The following CD226 variants were observed in gnomAD, a reference collection of about 807,000 sequenced individuals.
CD226 encodes CD226 molecule, also known as CD226 antigen.
CD226 carries 24 observed loss-of-function variants against 34.9 expected under a neutral mutation model. That is an observed-to-expected ratio of 0.69 (90% CI 0.50 to 0.97). CD226 has a LOEUF of 0.97. Among genes scored for constraint, CD226 ranks in the 50% least tolerant of loss-of-function variants. CD226 has a pLI of 0.00. For synonymous variants in CD226, 148 were observed against 147.4 expected (o/e 1.00, Z -0.03); for missense variants, 397 against 412.7 (o/e 0.96, Z 0.33).
intron 1 of CD226, 75 bp downstream of exon 1, chr18:69,947,286 A>G: frequency 9.6e-7 from 1 of 1,044,448 alleles, no homozygotes. Context: ...AGCACTGTAA[A>G]TTCTGAATAT....
intron 2 of CD226, among the ~76,000 whole-genome samples, chr18:69,918,249 G>A (rs2055409456): frequency 6.6e-6 from 1 of 152,152 alleles, no homozygotes; most frequent in African/African-American, 2.4e-5. Flanking sequence ...TAGTACATGA[G>A]AAGTACTAAA....
chr18:69,918,887 C>T (rs370345485), intron 2 of CD226, among the ~76,000 whole-genome samples: 12 of 152,130 alleles, frequency 7.9e-5, no homozygotes, highest in African/African-American at 2.2e-4. Flanking sequence ...TGTATAATTT[C>T]GTGGACTGAA....
chr18:69,917,747 C>CT (rs1455569901), intron 2 of CD226, among the ~76,000 whole-genome samples: 1 of 152,150 alleles, frequency 6.6e-6, no homozygotes, highest in Non-Finnish European at 1.5e-5. Flanking sequence ...ATAAATATAT[C>CT]TTTAAGTCTT....
Position 69,863,540 on chromosome 18 carries a change from T to C in CD226, c.*774A>G, listed in dbSNP as rs1475724862. On this transcript the variant is annotated 3_prime_UTR_variant, in exon 6 of 6. Coordinates refer to ENST00000582621, the MANE Select transcript of CD226 (RefSeq NM_001303618.2). ...TACTGCCAGGTATTCTTCTGGACTATGCTGATAGAGTGGATTCTAGAAGTA... is the reference window on the plus strand; with the variant it reads ...TACTGCCAGGTATTCTTCTGGACTACGCTGATAGAGTGGATTCTAGAAGTA... 2.0e-5 allele frequency: 3 copies of C among 152,342 alleles called. No homozygotes were observed. In the East Asian group the frequency reaches 5.8e-4, roughly 29 times the overall value. 9.4% of individuals were successfully genotyped at this position (152,342 alleles called of 1,614,324 possible).
chr18:69,873,509 C>A (rs1437565346), intron 3 of CD226, among the ~76,000 whole-genome samples: 1 of 151,650 alleles, frequency 6.6e-6, no homozygotes, highest in Admixed American at 6.6e-5. Flanking sequence ...AAAGAGCATG[C>A]GTTTGCCAAA....
intron 3 of CD226, among the ~76,000 whole-genome samples, chr18:69,882,899 C>T (rs1984345446): frequency 6.6e-6 from 1 of 152,112 alleles, no homozygotes. Flanking sequence ...AACTCTAGAC[C>T]TCAAGCAGTC....
chr18:69,911,948 T>C (rs890655923), intron 2 of CD226, among the ~76,000 whole-genome samples: 1 of 152,218 alleles, frequency 6.6e-6, no homozygotes, highest in Admixed American at 6.5e-5. Flanking sequence ...GACTTAACTT[T>C]TTGTTCAGCT....
intron 2 of CD226, among the ~76,000 whole-genome samples, chr18:69,899,094 T>C (rs1378084000): frequency 6.6e-6 from 1 of 152,256 alleles, no homozygotes; most frequent in Non-Finnish European, 1.5e-5. Context: ...AAATATTCTC[T>C]ATTTTGTATG....
In CD226 at chr18:69,861,554, G is replaced by GCATATATATATATATATA. The variant is rs1555675810; in HGVS notation, c.*2759_*2760insTATATATATATATATATG. On this transcript the variant is annotated 3_prime_UTR_variant, in exon 6 of 6. Transcript: ENST00000582621. ...ATAAATTATATGTGTATATATATAT[G>GCATATATATATATATATA]TATATATATATATATATATGTAAAA... 1 of 127,948 alleles carries GCATATATATATATATATA rather than the reference G, an allele frequency of 7.8e-6. No homozygotes were observed. The highest frequency in any genetic ancestry group is 8.5e-5 in the Admixed American group (1 of 11,704). The allele number at this position is 127,948 out of a possible 1,614,324, so 7.9% of individuals were successfully genotyped here. A position where few individuals can be genotyped will look rare whatever the true frequency, so the allele number is the denominator to read the frequency against.
At chr18:69,953,230 AAAG>A (rs1416356168) in intron 1 of CD226, among the ~76,000 whole-genome samples, 2 of 152,232 alleles carry the variant, frequency 1.3e-5, no homozygotes, top group East Asian at 3.8e-4. Flanking sequence ...TATATACTCA[AAAG>A]AATATACTCA....
At chr18:69,917,450 G>C (rs772033643) in intron 2 of CD226, among the ~76,000 whole-genome samples, 5 of 151,826 alleles carry the variant, frequency 3.3e-5, no homozygotes, top group Non-Finnish European at 7.4e-5. Flanking sequence ...GCTTTCCTGG[G>C]TTGCTCCTCC....
chr18:69,859,608 C>G lies in CD226; in HGVS notation c.*4706G>C, dbSNP rs943558557. The G allele has an allele frequency of 2.0e-5, 3 of 151,224 alleles. No homozygotes were observed. Among genetic ancestry groups the G allele is most frequent in the Non-Finnish European group, 2.9e-5 (2 of 67,860 alleles). 9.4% of individuals were successfully genotyped at this position (151,224 alleles called of 1,614,324 possible). A position where few individuals can be genotyped will look rare whatever the true frequency, so the allele number is the denominator to read the frequency against. On this transcript the variant is annotated 3_prime_UTR_variant, in exon 6 of 6. Coordinates refer to ENST00000582621, the MANE Select transcript of CD226 (RefSeq NM_001303618.2). ...GTATTAGTGTCATAAGCATGCTATT[C>G]AGAAAAGTGAACATAAATAAAATAA...
At chr18:69,874,580 C>T (rs1425399595) in intron 3 of CD226, among the ~76,000 whole-genome samples, 1 of 152,178 alleles carries the variant, frequency 6.6e-6, no homozygotes, top group Non-Finnish European at 1.5e-5. Context: ...TGTGACACCC[C>T]GGCTGTCTGG....
rs145254111 is a variant in CD226 at position 69,860,869 on chromosome 18, T to C, written c.*3445A>G. 2.2e-4 allele frequency: 34 copies of C among 152,192 alleles called. No individual in the cohort carries two copies. The East Asian group carries it at 4.2e-3, about 19-fold the overall frequency. The allele number at this position is 152,192 out of a possible 1,614,324, so 9.4% of individuals were successfully genotyped here. On this transcript the variant is annotated 3_prime_UTR_variant, in exon 6 of 6. Transcript: ENST00000582621. ...CAATTTAGCGTCTCCACTTACACTT[T>C]ATAAGCATCTTTATAATATCGTCAA... is the stretch of plus-strand genomic sequence containing the variant.
At chr18:69,902,465 C>A (rs1290640995) in intron 2 of CD226, among the ~76,000 whole-genome samples, 1 of 151,922 alleles carries the variant, frequency 6.6e-6, no homozygotes, top group Non-Finnish European at 1.5e-5. Flanking sequence ...AAATACTCTA[C>A]CCCTTGGCTT....
chr18:69,890,348 G>A (rs895475165), intron 3 of CD226, among the ~76,000 whole-genome samples: 1 of 152,114 alleles, frequency 6.6e-6, no homozygotes, highest in African/African-American at 2.4e-5. Flanking sequence ...ACCAATCCCA[G>A]CACTTTAGGA....
At chr18:69,948,347 C>A (rs1209974970), upstream of CD226, among the ~76,000 whole-genome samples, 5 of 151,848 alleles carry the variant, frequency 3.3e-5, no homozygotes, top group Non-Finnish European at 7.4e-5. Flanking sequence ...AAAAGTATAC[C>A]CCTACAAAAA....
At chr18:69,917,406 C>A (rs748112573) in intron 2 of CD226, among the ~76,000 whole-genome samples, 1 of 152,148 alleles carries the variant, frequency 6.6e-6, no homozygotes, top group Admixed American at 6.5e-5. Context: ...ATCTTTCCTT[C>A]CCTCCTTCTG....
chr18:69,886,897 C>T (rs1452298479), intron 3 of CD226, among the ~76,000 whole-genome samples: 2 of 152,074 alleles, frequency 1.3e-5, no homozygotes, highest in East Asian at 3.9e-4. Flanking sequence ...CAATTTTAAA[C>T]CATTTTATGA....
Sources: gnomAD v4.1 joint callset for allele counts (sites outside exome capture counted in the v4.1 genomes callset) on GRCh38, gnomAD v4.1.1 for gene constraint, MANE v1.5 for transcripts, NCBI Gene and HGNC (gene_info 2026-07-23, HGNC 2026-07-21) for gene names.